Variants in WDR70 observed in about 807,000 individuals in gnomAD.
WDR70 encodes the protein WD repeat-containing protein 70.
A neutral mutation model predicts 88.6 loss-of-function variants in WDR70; 53 were observed. That is an observed-to-expected ratio of 0.60 (90% CI 0.48 to 0.75). The LOEUF is 0.75. WDR70 is among the 30% of genes least tolerant of loss of function. The pLI, the probability that WDR70 is intolerant of heterozygous loss-of-function variation, is 0.00. For missense variants in WDR70, 610 were observed against 823.2 expected, an observed-to-expected ratio of 0.74 and a Z score of 3.17; for synonymous variants, 280 against 270.0, an observed-to-expected ratio of 1.04 and a Z score of -0.36.
chr5:37,547,516 A>G (rs1342715973), intron 9 of WDR70, among the ~76,000 whole-genome samples: 1 of 152,170 alleles, frequency 6.6e-6, no homozygotes, highest in African/African-American at 2.4e-5. Flanking sequence ...TTGTGGGTAC[A>G]TAGTAAGTGT....
At chr5:37,534,771 A>G (rs6867424) in intron 9 of WDR70, among the ~76,000 whole-genome samples, 90,694 of 152,026 alleles carry the variant, frequency 0.6, 28,416 homozygotes, top group Non-Finnish European at 0.69. Context: ...GAGCCATCGC[A>G]CCTGGCCACA....
intron 10 of WDR70, among the ~76,000 whole-genome samples, chr5:37,614,841 C>G (rs552199475): frequency 6.6e-6 from 1 of 152,116 alleles, no homozygotes; most frequent in South Asian, 2.1e-4. Context: ...ACATGAAATA[C>G]AGAAACTTAT....
chr5:37,599,753 C>T (rs765509008), intron 9 of WDR70, among the ~76,000 whole-genome samples: 7 of 152,046 alleles, frequency 4.6e-5, no homozygotes, highest in Admixed American at 2.6e-4. Flanking sequence ...ATTTGCCAGG[C>T]GTGGTGGCGC....
intron 8 of WDR70, among the ~76,000 whole-genome samples, chr5:37,494,916 G>T (rs1475195984): frequency 6.6e-5 from 10 of 152,220 alleles, no homozygotes; most frequent in Admixed American, 6.5e-4. Flanking sequence ...GCAAACCATG[G>T]CCTTGGGGCA....
At chr5:37,433,381 A>G (rs182171379) in intron 5 of WDR70, among the ~76,000 whole-genome samples, 25 of 152,222 alleles carry the variant, frequency 1.6e-4, no homozygotes, top group African/African-American at 5.8e-4. Flanking sequence ...GACTTTATCA[A>G]ATTACTTTCT....
chr5:37,630,902 A>C (rs146730675), intron 10 of WDR70, among the ~76,000 whole-genome samples: 75 of 152,326 alleles, frequency 4.9e-4, no homozygotes, highest in Non-Finnish European at 8.7e-4. Flanking sequence ...GTGAAACTGC[A>C]TGAATTCCTG....
At chr5:37,748,322 A>G (rs1027942810) in intron 17 of WDR70, among the ~76,000 whole-genome samples, 4 of 152,206 alleles carry the variant, frequency 2.6e-5, no homozygotes, top group African/African-American at 7.2e-5. Flanking sequence ...ATCTACAACC[A>G]TCTGATCTTC....
intron 17 of WDR70, among the ~76,000 whole-genome samples, chr5:37,728,098 G>A (rs1014704715): frequency 2.6e-5 from 4 of 151,672 alleles, no homozygotes; most frequent in African/African-American, 7.3e-5. Context: ...TTATAATCCC[G>A]ACACTTTGGG....
intron 11 of WDR70, 44 bp from the exon 12 acceptor site, chr5:37,701,014 C>T: frequency 2.3e-6 from 3 of 1,278,384 alleles, no homozygotes; most frequent in Middle Eastern, 1.9e-4. Context: ...TCTTTTTGCA[C>T]AATTCACTTT....
At position 37,396,500 on chromosome 5, in the gene WDR70, C is replaced by T; in HGVS notation, c.422C>T (p.Pro141Leu). The change falls in exon 5 of 18, where the codon CCT (proline) becomes CTT (leucine). Residue 141 changes from proline (P) to leucine (L), a missense_variant. Physicochemically the swap from Pro to Leu is moderately conservative, Grantham distance 98. Around this residue, in one of 4 missense-constraint regions of WDR70, gnomAD observed 203 missense variants for 228.1 expected, o/e 0.89. Coordinates refer to ENST00000265107, the MANE Select transcript of WDR70 (RefSeq NM_018034.4). ...TTTATGGAGGAAGATATCCTCGGTCCTTTACCTCCACCTCTTAATGAAGAA... is the reference window on the plus strand; with the variant it reads ...TTTATGGAGGAAGATATCCTCGGTCTTTTACCTCCACCTCTTAATGAAGAA... Reference protein sequence around the residue: ...VNFMEEDILGPLPPPLNEEEE... With the variant: ...VNFMEEDILGLLPPPLNEEEE... 1 of 1,613,898 alleles carries T rather than the reference C, an allele frequency of 6.2e-7. No individual in the cohort carries two copies.
intron 10 of WDR70, among the ~76,000 whole-genome samples, chr5:37,646,176 A>T (rs897175811): frequency 5.9e-5 from 9 of 152,012 alleles, no homozygotes; most frequent in African/African-American, 2.2e-4. Context: ...AAATACTGTG[A>T]CATTTATAAC....
intron 7 of WDR70, among the ~76,000 whole-genome samples, chr5:37,475,345 C>T (rs943089323): frequency 2.6e-5 from 4 of 152,072 alleles, no homozygotes; most frequent in Non-Finnish European, 5.9e-5. Context: ...AGCAATTCTC[C>T]TGCCTCAGCC....
At chr5:37,383,541 T>C (rs1748498981) in intron 3 of WDR70, among the ~76,000 whole-genome samples, 1 of 151,752 alleles carries the variant, frequency 6.6e-6, no homozygotes, top group African/African-American at 2.4e-5. Flanking sequence ...GGATTACAGG[T>C]GTGAACCACT....
chr5:37,628,082 A>G (rs1421106560), intron 10 of WDR70, among the ~76,000 whole-genome samples: 1 of 152,126 alleles, frequency 6.6e-6, no homozygotes, highest in Non-Finnish European at 1.5e-5. Flanking sequence ...ATGACATCAC[A>G]GCCAGCTTAT....
chr5:37,385,530 A>C, intron 3 of WDR70, among the ~76,000 whole-genome samples: 1 of 148,878 alleles, frequency 6.7e-6, no homozygotes, highest in Non-Finnish European at 1.5e-5. Flanking sequence ...AAAAAAAAAA[A>C]AAAAAAAAAA....
intron 6 of WDR70, among the ~76,000 whole-genome samples, chr5:37,439,606 T>C (rs577909071): frequency 4.0e-5 from 6 of 149,404 alleles, no homozygotes; most frequent in African/African-American, 1.5e-4. Flanking sequence ...GAGTGTCTAA[T>C]TATACTCTTG....
intron 10 of WDR70, 61 bp from the exon 11 acceptor site, chr5:37,697,594 C>T (rs1747018152): frequency 2.9e-6 from 4 of 1,382,522 alleles, no homozygotes; most frequent in Non-Finnish European, 4.1e-6. Flanking sequence ...GTTCTTGCCA[C>T]AAAACTGTTC....
chr5:37,699,396 T>TACACACACACACACACAC (rs1181980288), intron 11 of WDR70, among the ~76,000 whole-genome samples: 3 of 20,062 alleles, frequency 1.5e-4, no homozygotes, highest in Non-Finnish European at 7.7e-4. Flanking sequence ...TGTGTGTATA[T>TACACACACACACACACAC]ATATATACAC....
At chr5:37,609,278 A>T (rs966408933) in intron 10 of WDR70, among the ~76,000 whole-genome samples, 1 of 152,166 alleles carries the variant, frequency 6.6e-6, no homozygotes, top group East Asian at 1.9e-4. Flanking sequence ...AACTATGTTC[A>T]TGTCTCTTTA....
Sources: gnomAD v4.1 joint callset for allele counts (sites outside exome capture counted in the v4.1 genomes callset) on GRCh38, gnomAD v4.1.1 for gene constraint, gnomAD v4.1.1 regional missense constraint, MANE v1.5 for transcripts, NCBI Gene and HGNC (gene_info 2026-07-23, HGNC 2026-07-21) for gene names.